The following MYCBP2 variants were observed in gnomAD, a reference collection of about 807,000 sequenced individuals.
MYCBP2 encodes the protein MYC binding protein 2.
Under a neutral mutation model 525.3 loss-of-function variants are expected in MYCBP2, and 120 were observed. The observed-to-expected ratio is 0.23, with a 90% confidence interval of 0.20 to 0.27. MYCBP2 has a LOEUF of 0.27. Ranked by LOEUF, MYCBP2 falls within the 10% of genes least tolerant of loss-of-function variation. The pLI is 1.00. For synonymous variants in MYCBP2, 1,894 were observed against 1,955.8 expected, an observed-to-expected ratio of 0.97 and a Z score of 0.83; for missense variants, 4,149 against 5,657.1, an observed-to-expected ratio of 0.73 and a Z score of 8.55.
chr13:77,183,541 CTTTTTTTTTTT>C (rs60927409), intron 32 of MYCBP2, among the ~76,000 whole-genome samples: 3 of 66,050 alleles, frequency 4.5e-5, no homozygotes, highest in Admixed American at 2.7e-4. Context: ...GTCCCTATTT[CTTTTTTTTTTT>C]TTTTTTTTTT....
chr13:77,145,837 C>A (rs999465408), intron 48 of MYCBP2, among the ~76,000 whole-genome samples: 6 of 151,706 alleles, frequency 4.0e-5, no homozygotes, highest in African/African-American at 1.2e-4. Flanking sequence ...AGAAAAGGAA[C>A]AATTTTTAAA....
chr13:77,069,743 C>G (rs2040841348), intron 69 of MYCBP2, among the ~76,000 whole-genome samples: 1 of 147,884 alleles, frequency 6.8e-6, no homozygotes, highest in African/African-American at 2.5e-5. Context: ...TGGCAGGCAT[C>G]TGTAGTCCCA....
chr13:77,317,978 T>TAACATAA (rs1407184689), intron 1 of MYCBP2, among the ~76,000 whole-genome samples: 6 of 150,664 alleles, frequency 4.0e-5, no homozygotes, highest in African/African-American at 1.5e-4. Flanking sequence ...TAACATAACA[T>TAACATAA]AACATAACAT....
chr13:77,283,625 G>A (rs564906935), intron 3 of MYCBP2, among the ~76,000 whole-genome samples: 7 of 152,234 alleles, frequency 4.6e-5, no homozygotes, highest in African/African-American at 7.2e-5. Context: ...CACCAGGCAC[G>A]GTGACTCCTG....
At chr13:77,196,467 C>T (rs1400997274) in intron 26 of MYCBP2, among the ~76,000 whole-genome samples, 1 of 152,160 alleles carries the variant, frequency 6.6e-6, no homozygotes, top group Non-Finnish European at 1.5e-5. Context: ...AGTTGGGAGG[C>T]TACTGTAATA....
chr13:77,197,418 G>A (rs2061868155), intron 26 of MYCBP2, among the ~76,000 whole-genome samples: 1 of 152,126 alleles, frequency 6.6e-6, no homozygotes, highest in Non-Finnish European at 1.5e-5. Flanking sequence ...ATGGTGGATG[G>A]TACTAATCAT....
chr13:77,282,669 C>G (rs1244603891), intron 3 of MYCBP2, among the ~76,000 whole-genome samples: 2 of 152,060 alleles, frequency 1.3e-5, no homozygotes, highest in African/African-American at 4.8e-5. Context: ...CTAGCTGACA[C>G]TTATTTTTTG....
chr13:77,095,867 T>C (rs994229247), intron 57 of MYCBP2, among the ~76,000 whole-genome samples: 11 of 152,282 alleles, frequency 7.2e-5, no homozygotes, highest in African/African-American at 2.6e-4. Flanking sequence ...AATTCATTTT[T>C]TTAAAAAGTA....
intron 17 of MYCBP2, among the ~76,000 whole-genome samples, chr13:77,241,765 C>T (rs916884380): frequency 3.3e-5 from 5 of 152,046 alleles, no homozygotes; most frequent in Admixed American, 2.6e-4. Flanking sequence ...ATATGTTTTA[C>T]AATTTAAGTT....
chr13:77,045,446 C>T lies in MYCBP2; in HGVS notation c.13969G>A (p.Val4657Ile). Residue 4657 changes from valine to isoleucine, a missense_variant, in exon 83 of 83, where the codon GTT becomes ATT. Physicochemically the swap from Val to Ile is conservative, Grantham distance 29 (BLOSUM62 3). Coordinates refer to ENST00000544440, the MANE Select transcript of MYCBP2 (RefSeq NM_015057.5). ...LEGTECPLHV[V>I]HPPTGEEFAL... ...AACTCTTCCCCAGTGGGTGGATGAA[C>T]AACATGGAGTGGACATTCAGTTCCT... 6.2e-7 allele frequency: 1 copy of T among 1,614,138 alleles called. No individual in the cohort carries two copies. Among genetic ancestry groups the T allele is most frequent in the Non-Finnish European group, 8.5e-7 (1 of 1,180,012 alleles).
chr13:77,291,541 C>T (rs770682035), intron 2 of MYCBP2, among the ~76,000 whole-genome samples: 47 of 152,154 alleles, frequency 3.1e-4, no homozygotes, highest in Admixed American at 2.6e-3. Context: ...GAGGCCAAGG[C>T]GGGCAGATCA....
At chr13:77,165,037 C>A (rs931069584) in intron 42 of MYCBP2, among the ~76,000 whole-genome samples, 3 of 152,064 alleles carry the variant, frequency 2.0e-5, no homozygotes, top group African/African-American at 4.8e-5. Context: ...AAATTAATTT[C>A]TTTTTATTTT....
intron 14 of MYCBP2, among the ~76,000 whole-genome samples, chr13:77,251,700 A>G (rs2071234094): frequency 6.6e-6 from 1 of 152,146 alleles, no homozygotes; most frequent in South Asian, 2.1e-4. Context: ...CTCCAAGCCA[A>G]GAGTTCCCCA....
chr13:77,101,959 CTAATT>C (rs1224826910), intron 55 of MYCBP2, among the ~76,000 whole-genome samples: 1 of 151,906 alleles, frequency 6.6e-6, no homozygotes, highest in Non-Finnish European at 1.5e-5. Context: ...CATTCATCTC[CTAATT>C]TATTTAATGA....
chr13:77,129,736 AAAAT>A (rs1221005688), intron 52 of MYCBP2: 1 of 151,974 alleles, frequency 6.6e-6, no homozygotes, highest in East Asian at 1.9e-4. Context: ...AAAAAAGTAA[AAAAT>A]AAAAAGTCTG....
chr13:77,212,896 C>T (rs2064224350), intron 21 of MYCBP2, among the ~76,000 whole-genome samples: 1 of 152,202 alleles, frequency 6.6e-6, no homozygotes, highest in Non-Finnish European at 1.5e-5. Flanking sequence ...GATATTCTTC[C>T]ACCCCTGGCT....
intron 27 of MYCBP2, among the ~76,000 whole-genome samples, chr13:77,192,508 G>A (rs1447880716): frequency 6.6e-6 from 1 of 152,170 alleles, no homozygotes; most frequent in Non-Finnish European, 1.5e-5. Context: ...TGGAAGGAAT[G>A]TTTATTGGTT....
At chr13:77,294,488 G>T (rs2077960951) in intron 2 of MYCBP2, among the ~76,000 whole-genome samples, 1 of 152,036 alleles carries the variant, frequency 6.6e-6, no homozygotes. Context: ...GAAAAAAACT[G>T]AATTACTAAG....
At chr13:77,183,378 G>C (rs1347217525) in intron 32 of MYCBP2, among the ~76,000 whole-genome samples, 1 of 151,932 alleles carries the variant, frequency 6.6e-6, no homozygotes, top group African/African-American at 2.4e-5. Flanking sequence ...TTCTTTGTGG[G>C]AAAGTTTTTG....
Sources: allele counts gnomAD v4.1 joint callset (sites outside exome capture counted in the v4.1 genomes callset), GRCh38; gene constraint gnomAD v4.1.1; transcripts MANE v1.5; gene names NCBI Gene and HGNC (gene_info 2026-07-23, HGNC 2026-07-21).